CAMK1D: variants seen among roughly 807,000 people sequenced by gnomAD.
The protein encoded by CAMK1D is calcium/calmodulin-dependent protein kinase type 1D.
Under a neutral mutation model 47.7 loss-of-function variants are expected in CAMK1D, and 9 were observed. The observed-to-expected ratio is 0.19, with a 90% CI of 0.11 to 0.33. CAMK1D has a LOEUF of 0.33. Ranked by LOEUF, CAMK1D falls within the 10% of genes least tolerant of loss-of-function variation. CAMK1D has a pLI of 1.00. For missense variants in CAMK1D, 291 were observed against 488.7 expected, an observed-to-expected ratio of 0.60 and a Z score of 3.81; for synonymous variants, 184 against 184.9, an observed-to-expected ratio of 0.99 and a Z score of 0.04.
intron 2 of CAMK1D, among the ~76,000 whole-genome samples, chr10:12,665,195 T>C (rs183550669): frequency 8.2e-4 from 125 of 152,356 alleles, no homozygotes; most frequent in Non-Finnish European, 1.5e-3. Flanking sequence ...GAATTTAGTA[T>C]AATCTATTGT....
At chr10:12,722,763 A>C (rs746582148) in intron 3 of CAMK1D, among the ~76,000 whole-genome samples, 102 of 152,220 alleles carry the variant, frequency 6.7e-4, no homozygotes, top group Non-Finnish European at 1.2e-3. Context: ...AGTTTCTAGC[A>C]TTAAGGCGGA....
At chr10:12,401,611 G>A (rs1395512250) in intron 1 of CAMK1D, among the ~76,000 whole-genome samples, 1 of 151,594 alleles carries the variant, frequency 6.6e-6, no homozygotes, top group Non-Finnish European at 1.5e-5. Context: ...CCCACAAGGA[G>A]CCTCAGAAGG....
At chr10:12,480,392 G>C (rs371236396) in intron 1 of CAMK1D, among the ~76,000 whole-genome samples, 4 of 151,606 alleles carry the variant, frequency 2.6e-5, no homozygotes, top group African/African-American at 9.7e-5. Flanking sequence ...CCGAGATCGC[G>C]CCACTGCACT....
At chr10:12,491,358 C>A (rs1489315127) in intron 1 of CAMK1D, among the ~76,000 whole-genome samples, 1 of 152,190 alleles carries the variant, frequency 6.6e-6, no homozygotes, top group Non-Finnish European at 1.5e-5. Flanking sequence ...TTGCCAGAAG[C>A]ACCTGTATTT....
At chr10:12,599,972 G>A (rs1405396328) in intron 2 of CAMK1D, among the ~76,000 whole-genome samples, 1 of 152,196 alleles carries the variant, frequency 6.6e-6, no homozygotes, top group African/African-American at 2.4e-5. Context: ...AGATGTGGTG[G>A]CGTGTTCCTG....
At chr10:12,558,091 G>C (rs1836822740) in intron 2 of CAMK1D, among the ~76,000 whole-genome samples, 1 of 152,216 alleles carries the variant, frequency 6.6e-6, no homozygotes, top group African/African-American at 2.4e-5. Context: ...GCTGGATCTA[G>C]AAAATTCAGC....
chr10:12,443,036 G>C (rs1321012969), intron 1 of CAMK1D, among the ~76,000 whole-genome samples: 15 of 151,796 alleles, frequency 9.9e-5, no homozygotes. Flanking sequence ...CATCAATTTT[G>C]AGCCATTTTC....
intron 1 of CAMK1D, among the ~76,000 whole-genome samples, chr10:12,524,656 A>C (rs1039105652): frequency 6.6e-6 from 1 of 152,100 alleles, no homozygotes; most frequent in African/African-American, 2.4e-5. Context: ...GCAGTGAGCC[A>C]AGATGGCACC....
chr10:12,507,706 G>A (rs533912263), intron 1 of CAMK1D, among the ~76,000 whole-genome samples: 24 of 152,196 alleles, frequency 1.6e-4, no homozygotes, highest in Admixed American at 5.9e-4. Context: ...CCACCAGCCC[G>A]GTCCCTCCCC....
At chr10:12,744,894 C>G (rs770188599) in intron 3 of CAMK1D, among the ~76,000 whole-genome samples, 6 of 152,306 alleles carry the variant, frequency 3.9e-5, no homozygotes, top group East Asian at 1.9e-4. Context: ...CAGCAAGACC[C>G]TGTCTCTAAA....
chr10:12,611,680 C>T (rs185005933), intron 2 of CAMK1D, among the ~76,000 whole-genome samples: 2,311 of 147,332 alleles, frequency 0.016, 50 homozygotes, highest in African/African-American at 0.054. Context: ...CAACCTCCCC[C>T]TCCCGGGTTC....
intron 2 of CAMK1D, among the ~76,000 whole-genome samples, chr10:12,580,309 C>T (rs541013834): frequency 6.1e-5 from 9 of 148,278 alleles, no homozygotes; most frequent in Admixed American, 1.3e-4. Flanking sequence ...TGTATCTGGA[C>T]TAAAATATGC....
intron 2 of CAMK1D, among the ~76,000 whole-genome samples, chr10:12,618,309 A>T (rs1401771090): frequency 6.6e-6 from 1 of 152,164 alleles, no homozygotes; most frequent in Non-Finnish European, 1.5e-5. Context: ...ATTTACATGA[A>T]TGGCATTCTT....
chr10:12,407,281 A>T (rs1839471399), intron 1 of CAMK1D, among the ~76,000 whole-genome samples: 1 of 152,204 alleles, frequency 6.6e-6, no homozygotes, highest in Non-Finnish European at 1.5e-5. Flanking sequence ...TGCCCATGGG[A>T]TCCTGTCACC....
intron 1 of CAMK1D, among the ~76,000 whole-genome samples, chr10:12,407,007 A>G (rs1839456790): frequency 6.6e-6 from 1 of 152,182 alleles, no homozygotes; most frequent in Admixed American, 6.5e-5. Flanking sequence ...CTGCACTTCC[A>G]AGAGTCCTGC....
intron 1 of CAMK1D, among the ~76,000 whole-genome samples, chr10:12,542,679 G>T (rs543766037): frequency 5.3e-5 from 8 of 152,170 alleles, no homozygotes; most frequent in Non-Finnish European, 7.4e-5. Flanking sequence ...CTACATTTTT[G>T]ACCATTTTGT....
chr10:12,780,909 A>T (rs1185665137), intron 5 of CAMK1D, among the ~76,000 whole-genome samples: 1 of 151,962 alleles, frequency 6.6e-6, no homozygotes, highest in African/African-American at 2.4e-5. Context: ...CTGCAGCCAG[A>T]CCCCCGGTGT....
chr10:12,631,040 C>T (rs561422421), intron 2 of CAMK1D, among the ~76,000 whole-genome samples: 1 of 152,190 alleles, frequency 6.6e-6, no homozygotes, highest in Admixed American at 6.5e-5. Flanking sequence ...GGAAAGTATG[C>T]AGTGATTTAA....
chr10:12,453,351 G>A (rs564765922), intron 1 of CAMK1D, among the ~76,000 whole-genome samples: 1 of 151,898 alleles, frequency 6.6e-6, no homozygotes, highest in Non-Finnish European at 1.5e-5. Context: ...CACCACGCCC[G>A]GCTAATTGTT....
Sources: gnomAD v4.1 joint callset for allele counts (sites outside exome capture counted in the v4.1 genomes callset) on GRCh38, gnomAD v4.1.1 for gene constraint, MANE v1.5 for transcripts, NCBI Gene and HGNC (gene_info 2026-07-23, HGNC 2026-07-21) for gene names.